Variants in CAP2 observed in about 807,000 individuals in gnomAD.
The protein encoded by CAP2 is cyclase associated actin cytoskeleton regulatory protein 2.
In CAP2, 24 loss-of-function variants were observed where a neutral mutation model predicts 57.7. The ratio of observed to expected loss-of-function variants is 0.42; its 90% CI spans 0.30 to 0.58. The LOEUF (loss-of-function observed/expected upper bound fraction) is 0.58. Ranked by LOEUF, CAP2 falls within the 20% of genes least tolerant of loss-of-function variation. The pLI, the probability that CAP2 is intolerant of heterozygous loss-of-function variation, is 0.22. For missense variants in CAP2, 501 were observed against 590.3 expected, an observed-to-expected ratio of 0.85 and a Z score of 1.57; for synonymous variants, 194 against 207.2, an observed-to-expected ratio of 0.94 and a Z score of 0.55.
At chr6:17,477,789 T>C (rs1761187591) in intron 4 of CAP2, among the ~76,000 whole-genome samples, 1 of 152,132 alleles carries the variant, frequency 6.6e-6, no homozygotes, top group African/African-American at 2.4e-5. Context: ...GGGGAAGATC[T>C]ATTTTTCTTG....
intron 2 of CAP2, among the ~76,000 whole-genome samples, chr6:17,423,670 A>G (rs1759503415): frequency 6.6e-6 from 1 of 152,212 alleles, no homozygotes; most frequent in Admixed American, 6.5e-5. Flanking sequence ...TCAAAGAGGT[A>G]CTAGATTGAA....
intron 3 of CAP2, among the ~76,000 whole-genome samples, chr6:17,440,738 G>A (rs1581521442): frequency 6.6e-6 from 1 of 150,914 alleles, no homozygotes; most frequent in East Asian, 1.9e-4. Context: ...TGTTACATAT[G>A]TACTCATGTG....
chr6:17,438,046 C>G (rs1471580619), intron 3 of CAP2, among the ~76,000 whole-genome samples: 1 of 151,878 alleles, frequency 6.6e-6, no homozygotes, highest in Non-Finnish European at 1.5e-5. Flanking sequence ...TATTTTTCCC[C>G]ATTGTCACTA....
At chr6:17,504,121 G>A (rs866490681) in intron 4 of CAP2, among the ~76,000 whole-genome samples, 5 of 152,166 alleles carry the variant, frequency 3.3e-5, no homozygotes, top group African/African-American at 1.2e-4. Flanking sequence ...GCATATAAGG[G>A]ATGGGAAAGA....
intron 1 of CAP2, among the ~76,000 whole-genome samples, chr6:17,404,999 C>T (rs761553247): frequency 6.6e-6 from 1 of 152,132 alleles, no homozygotes; most frequent in South Asian, 2.1e-4. Context: ...GGGATACGTT[C>T]TAAGACCCCC....
At chr6:17,440,587 GT>G (rs1448759706) in intron 3 of CAP2, among the ~76,000 whole-genome samples, 3 of 148,486 alleles carry the variant, frequency 2.0e-5, no homozygotes, top group African/African-American at 7.7e-5. Context: ...TATGATGCTT[GT>G]TTTGGGCTGA....
chr6:17,429,422 T>A (rs1759672584), intron 3 of CAP2, among the ~76,000 whole-genome samples: 1 of 152,054 alleles, frequency 6.6e-6, no homozygotes, highest in South Asian at 2.1e-4. Context: ...TACAAGAGAA[T>A]AATGAGACCT....
chr6:17,488,321 C>T (rs1422294055), intron 4 of CAP2, among the ~76,000 whole-genome samples: 1 of 152,154 alleles, frequency 6.6e-6, no homozygotes, highest in Admixed American at 6.5e-5. Context: ...CTTCAGATTT[C>T]TTCTCATCCA....
intron 2 of CAP2, among the ~76,000 whole-genome samples, chr6:17,422,453 G>T (rs939583658): frequency 6.7e-6 from 1 of 148,618 alleles, no homozygotes; most frequent in East Asian, 2.0e-4. Context: ...AGATTCAAGC[G>T]ATTCTCTTGC....
chr6:17,399,689 T>C (rs769249307), intron 1 of CAP2, among the ~76,000 whole-genome samples: 7 of 152,222 alleles, frequency 4.6e-5, no homozygotes, highest in African/African-American at 9.6e-5. Flanking sequence ...ATTTACCTGA[T>C]ACATGGAGGA....
At chr6:17,418,679 TC>T (rs1759351898) in intron 1 of CAP2, among the ~76,000 whole-genome samples, 1 of 152,022 alleles carries the variant, frequency 6.6e-6, no homozygotes, top group Non-Finnish European at 1.5e-5. Context: ...ATTTTTTTTT[TC>T]TATCGCAGGC....
intron 7 of CAP2, among the ~76,000 whole-genome samples, chr6:17,522,215 A>T (rs2113676746): frequency 1.3e-5 from 2 of 152,300 alleles, no homozygotes; most frequent in South Asian, 4.2e-4. Flanking sequence ...CAGGTAATTT[A>T]TATGCATAGT....
At chr6:17,532,297 T>C (rs1370738433) in intron 7 of CAP2, among the ~76,000 whole-genome samples, 1 of 151,124 alleles carries the variant, frequency 6.6e-6, no homozygotes, top group Non-Finnish European at 1.5e-5. Flanking sequence ...TGTGCCACCA[T>C]GCCTGGCTAA....
chr6:17,499,189 A>G (rs1217385970), intron 4 of CAP2, among the ~76,000 whole-genome samples: 4 of 151,364 alleles, frequency 2.6e-5, no homozygotes, highest in Admixed American at 6.6e-5. Context: ...ATTTGAGGTC[A>G]GGAGTTTGAA....
intron 12 of CAP2, among the ~76,000 whole-genome samples, chr6:17,552,432 T>A (rs1763192147): frequency 6.6e-6 from 1 of 152,044 alleles, no homozygotes; most frequent in African/African-American, 2.4e-5. Context: ...GCAGATCACT[T>A]GAGGTCAGGA....
At chr6:17,393,929 C>A (rs955093830) in intron 1 of CAP2, among the ~76,000 whole-genome samples, 183 bp downstream of exon 1, 4 of 146,466 alleles carry the variant, frequency 2.7e-5, no homozygotes, top group African/African-American at 9.9e-5. Flanking sequence ...GGGGCCGGGG[C>A]GCGGCGACCC....
At chr6:17,443,989 A>C (rs184345637) in intron 3 of CAP2, among the ~76,000 whole-genome samples, 3 of 152,268 alleles carry the variant, frequency 2.0e-5, no homozygotes, top group Admixed American at 1.3e-4. Context: ...CTTTTAGAAA[A>C]CCCTTTTAAA....
At chr6:17,535,103 C>T (rs1028726725) in intron 7 of CAP2, among the ~76,000 whole-genome samples, 1 of 152,086 alleles carries the variant, frequency 6.6e-6, no homozygotes, top group South Asian at 2.1e-4. Context: ...GGAGCTCAGT[C>T]AACTGCTAAA....
intron 3 of CAP2, among the ~76,000 whole-genome samples, chr6:17,455,750 T>C (rs1475039960): frequency 2.0e-5 from 3 of 152,162 alleles, no homozygotes; most frequent in African/African-American, 7.2e-5. Context: ...TTAGCCAGAA[T>C]GGTCTTGATC....
Sources: gnomAD v4.1 joint callset for allele counts (sites outside exome capture counted in the v4.1 genomes callset) on GRCh38, gnomAD v4.1.1 for gene constraint, MANE v1.5 for transcripts, NCBI Gene and HGNC (gene_info 2026-07-23, HGNC 2026-07-21) for gene names.